Variants in ELOVL6 observed in about 807,000 individuals in gnomAD.
ELOVL6 encodes the protein ELOVL fatty acid elongase 6, also known as very long chain fatty acid elongase 6.
In ELOVL6, 8 loss-of-function variants were observed where a neutral mutation model predicts 31.7. The observed-to-expected ratio is 0.25, with a 90% CI of 0.15 to 0.45. The LOEUF is 0.45. ELOVL6 is among the 20% of genes least tolerant of loss of function. ELOVL6 has a pLI of 1.00. For synonymous variants in ELOVL6, 101 were observed against 117.7 expected, an observed-to-expected ratio of 0.86 and a Z score of 0.92; for missense variants, 126 against 326.4, an observed-to-expected ratio of 0.39 and a Z score of 4.73.
chr4:110,103,269 C>A (rs1756800813), intron 2 of ELOVL6, among the ~76,000 whole-genome samples: 1 of 151,926 alleles, frequency 6.6e-6, no homozygotes, highest in Admixed American at 6.6e-5. Flanking sequence ...AAGAAATATA[C>A]AACATGCCTG....
chr4:110,182,178 AG>A (rs1349088649), intron 1 of ELOVL6, among the ~76,000 whole-genome samples: 1 of 152,188 alleles, frequency 6.6e-6, no homozygotes, highest in East Asian at 1.9e-4. Flanking sequence ...CACATGTAAA[AG>A]TTGTAATTCT....
chr4:110,084,188 T>C (rs1416625841), intron 2 of ELOVL6, among the ~76,000 whole-genome samples: 1 of 78,012 alleles, frequency 1.3e-5, no homozygotes, highest in Non-Finnish European at 2.3e-5. Context: ...ATATATAACA[T>C]ATAACTTATA....
intron 2 of ELOVL6, among the ~76,000 whole-genome samples, chr4:110,102,111 C>T (rs1756759129): frequency 6.6e-6 from 1 of 152,138 alleles, no homozygotes; most frequent in African/African-American, 2.4e-5. Flanking sequence ...AACACAGAAG[C>T]ATAGCATTCC....
chr4:110,073,794 G>C (rs564205401), intron 2 of ELOVL6, among the ~76,000 whole-genome samples: 2 of 152,172 alleles, frequency 1.3e-5, no homozygotes, highest in Non-Finnish European at 2.9e-5. Flanking sequence ...GTTTCCATCT[G>C]AAGTGTGAGA....
chr4:110,064,237 C>T (rs61384541), intron 2 of ELOVL6, among the ~76,000 whole-genome samples: 5,460 of 150,786 alleles, frequency 0.036, 286 homozygotes, highest in East Asian at 0.17. Context: ...TGCAGCAAGG[C>T]GATGAGGAGG....
chr4:110,053,640 A>G (rs1754893580), intron 3 of ELOVL6, among the ~76,000 whole-genome samples: 1 of 152,162 alleles, frequency 6.6e-6, no homozygotes, highest in South Asian at 2.1e-4. Context: ...CCCCATCTCT[A>G]CTAAAAATAC....
intron 2 of ELOVL6, among the ~76,000 whole-genome samples, chr4:110,068,367 T>C (rs1755366573): frequency 6.6e-6 from 1 of 152,136 alleles, no homozygotes; most frequent in African/African-American, 2.4e-5. Flanking sequence ...GAAGAAACAG[T>C]AAGTGAGGAA....
At chr4:110,148,811 A>G (rs1758201623) in intron 1 of ELOVL6, among the ~76,000 whole-genome samples, 1 of 152,172 alleles carries the variant, frequency 6.6e-6, no homozygotes, top group Admixed American at 6.5e-5. Flanking sequence ...AGGACAAAAA[A>G]ATAACAGATG....
chr4:110,103,449 GCTAA>G (rs780078263), intron 2 of ELOVL6, among the ~76,000 whole-genome samples: 4 of 151,816 alleles, frequency 2.6e-5, no homozygotes, highest in Admixed American at 6.6e-5. Context: ...TTGTTTACAT[GCTAA>G]CTAACTTAAA....
intron 3 of ELOVL6, among the ~76,000 whole-genome samples, chr4:110,059,272 C>G (rs1308770154): frequency 6.6e-6 from 1 of 152,156 alleles, no homozygotes; most frequent in Non-Finnish European, 1.5e-5. Context: ...TTTTCTTCCC[C>G]CATGTTTTAA....
Position 110,105,582 on chromosome 4 carries a change from C to T in ELOVL6, c.136G>A (p.Gly46Ser), listed in dbSNP as rs1389803054. 5.6e-6 allele frequency: 9 copies of T among 1,613,452 alleles called. No homozygotes were observed. The highest frequency in any genetic ancestry group is 1.1e-5 in the South Asian group (1 of 91,060). ...FSALYAAFIFGGRHLMNKRAK... is the reference protein window; with the variant it reads ...FSALYAAFIFSGRHLMNKRAK... Reference sequence around the variant, plus strand: ...CGTTTATTCATTAGGTGCCGACCACCGAATATAAAGGCAGCATACAGAGCA... The same window carrying T: ...CGTTTATTCATTAGGTGCCGACCACTGAATATAAAGGCAGCATACAGAGCA... The change falls in exon 2 of 4, where the codon GGT (glycine) becomes AGT (serine). Residue 46 changes from glycine to serine, a missense_variant. By Grantham distance (56) the Gly-to-Ser change is moderately conservative (BLOSUM62 0). Transcript: ENST00000302274.
intron 1 of ELOVL6, among the ~76,000 whole-genome samples, chr4:110,138,048 G>T (rs1277445106): frequency 6.6e-6 from 1 of 152,194 alleles, no homozygotes; most frequent in Non-Finnish European, 1.5e-5. Context: ...TTCTGCTAAA[G>T]TCATTACAGA....
intron 1 of ELOVL6, among the ~76,000 whole-genome samples, chr4:110,197,370 G>GC (rs1759839116): frequency 6.6e-6 from 1 of 152,210 alleles, no homozygotes; most frequent in Non-Finnish European, 1.5e-5. Flanking sequence ...AGGTCTGGCG[G>GC]GGGGACTACA....
chr4:110,092,826 C>G (rs1756464071), intron 2 of ELOVL6, among the ~76,000 whole-genome samples: 4 of 152,126 alleles, frequency 2.6e-5, no homozygotes. Flanking sequence ...CACACGTGCA[C>G]ACATCCCAAA....
chr4:110,078,697 C>T (rs2126230422), intron 2 of ELOVL6, among the ~76,000 whole-genome samples: 1 of 152,254 alleles, frequency 6.6e-6, no homozygotes, highest in Admixed American at 6.5e-5. Context: ...AGCAAAATAA[C>T]CAGCTAACAT....
At chr4:110,077,280 C>G (rs549170072) in intron 2 of ELOVL6, among the ~76,000 whole-genome samples, 1 of 152,334 alleles carries the variant, frequency 6.6e-6, no homozygotes, top group Admixed American at 6.5e-5. Context: ...TGAGAATGGA[C>G]AGACTGTCTC....
At chr4:110,078,931 G>A (rs1179571364) in intron 2 of ELOVL6, among the ~76,000 whole-genome samples, 2 of 152,052 alleles carry the variant, frequency 1.3e-5, no homozygotes, top group South Asian at 2.1e-4. Context: ...AAAGGCAGAG[G>A]TTGCAATCCT....
intron 2 of ELOVL6, among the ~76,000 whole-genome samples, chr4:110,081,494 A>T (rs866125000): frequency 9.2e-5 from 14 of 152,342 alleles, no homozygotes; most frequent in Admixed American, 3.9e-4. Context: ...AAATGGGGAA[A>T]GGATTCCCTA....
Position 110,051,452 on chromosome 4 carries a change from G to A in ELOVL6, c.684C>T (p.His228=). 1.9e-6 allele frequency: 3 copies of A among 1,614,220 alleles called. No individual in the cohort carries two copies. The highest frequency in any genetic ancestry group is 2.5e-6 in the Non-Finnish European group (3 of 1,180,024). The part of the protein sequence containing the change: ...CWMQHDQCHS[H]FQNIFWSSLM... ...GTGAGGACCAGAAGATGTTCTGAAA[G>A]TGAGAGTGACACTGGTCATGCTGCA... The change falls in exon 4 of 4, where the codon CAC becomes CAT. Residue 228 remains histidine (H), a synonymous_variant. Transcript: ENST00000302274. This position sits in a 1 kb window ranked among gnomAD's most constrained non-coding sequence, Gnocchi z 4.8.
Sources: allele counts gnomAD v4.1 joint callset (sites outside exome capture counted in the v4.1 genomes callset), GRCh38; gene constraint gnomAD v4.1.1; non-coding constraint Gnocchi (gnomAD v3.1); transcripts MANE v1.5; gene names NCBI Gene and HGNC (gene_info 2026-07-23, HGNC 2026-07-21).